The following THSD7A variants were observed in gnomAD, a reference collection of about 807,000 sequenced individuals.
THSD7A encodes the protein thrombospondin type-1 domain-containing protein 7A.
In THSD7A, 96 loss-of-function variants were observed where a neutral mutation model predicts 231.3. The ratio of observed to expected loss-of-function variants is 0.41; its 90% CI spans 0.35 to 0.49. The LOEUF (loss-of-function observed/expected upper bound fraction) is 0.49, where lower values mean the gene tolerates loss of function less well. Ranked by LOEUF, THSD7A falls within the 20% of genes least tolerant of loss-of-function variation. The pLI, the probability that THSD7A is intolerant of heterozygous loss-of-function variation, is 0.05. For synonymous variants in THSD7A, 940 were observed against 743.3 expected (o/e 1.26, Z -4.30); for missense variants, 2,290 against 2,070.2 (o/e 1.11, Z -2.06).
At chr7:11,810,767 G>T (rs759012917) in intron 1 of THSD7A, among the ~76,000 whole-genome samples, 1 of 152,140 alleles carries the variant, frequency 6.6e-6, no homozygotes, top group Non-Finnish European at 1.5e-5. Flanking sequence ...CAGCCCTAGG[G>T]TGGTTTAATT....
chr7:11,773,448 T>C (rs1193895161), intron 1 of THSD7A, among the ~76,000 whole-genome samples: 1 of 151,988 alleles, frequency 6.6e-6, no homozygotes, highest in African/African-American at 2.4e-5. Context: ...GAGAATTGCT[T>C]GAACCCGGGA....
chr7:11,636,873 A>G lies in THSD7A; in HGVS notation c.279T>C (p.Thr93=), dbSNP rs1781883277. ...CCTGCTTACAGTTAGTATGCAGTGT[A>G]GTCCATCCCTCCACATGAGCACACC... ...AVWCAHVEGW[T]TLHTNCKQAE... The change falls in exon 2 of 28, where the codon ACT becomes ACC. Residue 93 remains threonine (T), a synonymous_variant. Transcript: ENST00000423059. This position sits in a 1 kb window ranked among gnomAD's most constrained non-coding sequence, Gnocchi z 10.0. The G allele has an allele frequency of 1.2e-6, 2 of 1,613,960 alleles. No individual in the cohort carries two copies. Among genetic ancestry groups the G allele is most frequent in the Admixed American group, 3.3e-5 (2 of 60,012 alleles).
At chr7:11,412,048 C>T (rs190967240) in intron 18 of THSD7A, among the ~76,000 whole-genome samples, 1 of 152,200 alleles carries the variant, frequency 6.6e-6, no homozygotes, top group Admixed American at 6.5e-5. Context: ...AGTAAGCTTT[C>T]GTGTTGCCCC....
Position 11,777,414 on chromosome 7 carries a change from TACACACACACACACACACACACAC to T in THSD7A, c.190+54319_190+54342del, listed in dbSNP as rs66487858. ...AACTATGTTTCAGATGTAAATTAAG[TACACACACACACACACACACACAC>T]ACACACACACACACACACACACTCT... is the stretch of plus-strand genomic sequence containing the variant. On this transcript the variant is annotated intron_variant, in intron 1 of 27. Coordinates refer to ENST00000423059, the MANE Select transcript of THSD7A (RefSeq NM_015204.3). 4.1e-5 allele frequency among the ~76,000 whole-genome samples: 6 copies of T among 147,164 alleles called. No homozygotes were observed. In the South Asian group the frequency reaches 8.9e-4, roughly 22 times the overall value.
At chr7:11,828,346 T>C (rs1021075674) in intron 1 of THSD7A, among the ~76,000 whole-genome samples, 1 of 152,190 alleles carries the variant, frequency 6.6e-6, no homozygotes, top group African/African-American at 2.4e-5. Flanking sequence ...CTTTTATTTT[T>C]TTCCTTCTCT....
chr7:11,752,960 CAT>C, intron 1 of THSD7A, among the ~76,000 whole-genome samples: 1 of 136,686 alleles, frequency 7.3e-6, no homozygotes, highest in African/African-American at 2.7e-5. Flanking sequence ...ATCAATCAAT[CAT>C]TTCTAAAAAT....
intron 13 of THSD7A, among the ~76,000 whole-genome samples, chr7:11,432,879 G>A (rs987144314): frequency 6.6e-6 from 1 of 151,940 alleles, no homozygotes; most frequent in Non-Finnish European, 1.5e-5. Flanking sequence ...ATTATCCATT[G>A]TAAATGAAGT....
In THSD7A at chr7:11,449,969, G is replaced by A. The variant is rs552015219; in HGVS notation, c.2606-2545C>T. Among the ~76,000 whole-genome samples, 5 of 152,124 alleles carry A rather than the reference G, an allele frequency of 3.3e-5. No individual in the cohort carries two copies. The South Asian group carries it at 1.0e-3, about 32-fold the overall frequency. ...AGGGTTTCACTGTTTGTAACTAAAA[G>A]AAAATTAAAAATTACCAAACTAAAT... On this transcript the variant is annotated intron_variant, in intron 11 of 27. Coordinates refer to ENST00000423059, the MANE Select transcript of THSD7A (RefSeq NM_015204.3).
In THSD7A at chr7:11,636,719, C is replaced by G. The variant is rs1256632935; in HGVS notation, c.433G>C (p.Glu145Gln). ...VISKSLEKPL[E>Q]CIKGEEGIQV... ...ATACCTTCTTCCCCCTTAATGCACT[C>G]AAGAGGTTTCTCTAGGCTTTTTGAA... Residue 145 changes from glutamate to glutamine, a missense_variant, in exon 2 of 28, where the codon GAG becomes CAG. Coordinates refer to ENST00000423059, the MANE Select transcript of THSD7A (RefSeq NM_015204.3). The surrounding 1 kb of genome is among the most constrained non-coding windows in gnomAD (Gnocchi z 10.0). 1.1e-5 allele frequency: 18 copies of G among 1,613,898 alleles called. No homozygotes were observed. Among genetic ancestry groups the G allele is most frequent in the Admixed American group, 3.3e-5 (2 of 59,994 alleles).
intron 1 of THSD7A, among the ~76,000 whole-genome samples, chr7:11,700,362 G>T (rs1219732929): frequency 6.6e-6 from 1 of 151,140 alleles, no homozygotes; most frequent in Non-Finnish European, 1.5e-5. Flanking sequence ...TACTTGAAAG[G>T]TTATAACTTT....
At chr7:11,826,726 C>T (rs1003794766) in intron 1 of THSD7A, among the ~76,000 whole-genome samples, 6 of 150,066 alleles carry the variant, frequency 4.0e-5, no homozygotes, top group African/African-American at 1.5e-4. Flanking sequence ...GCAGGAGAAT[C>T]GCTTGAATCC....
chr7:11,678,508 AG>A (rs1783733900), intron 1 of THSD7A, among the ~76,000 whole-genome samples: 1 of 152,176 alleles, frequency 6.6e-6, no homozygotes, highest in African/African-American at 2.4e-5. Context: ...AAAATGATAA[AG>A]GGGATATCAC....
At chr7:11,674,281 G>C (rs1454677748) in intron 1 of THSD7A, among the ~76,000 whole-genome samples, 1 of 152,080 alleles carries the variant, frequency 6.6e-6, no homozygotes, top group South Asian at 2.1e-4. Flanking sequence ...CCAGTGCAAT[G>C]TCATGGTTAG....
intron 6 of THSD7A, among the ~76,000 whole-genome samples, chr7:11,485,283 G>A (rs1362974123): frequency 1.3e-5 from 2 of 152,006 alleles, no homozygotes; most frequent in Non-Finnish European, 2.9e-5. Context: ...ATTGTCTTCT[G>A]GTTTGATTAG....
rs537365407 is a variant in THSD7A at position 11,497,069 on chromosome 7, C to T, written c.1823-15087G>A. On this transcript the variant is annotated intron_variant, in intron 6 of 27. Transcript: ENST00000423059. ...TTACAGTTCAGAATGGCTGGGGAGGCCTAAGGAAACTTACAATCATGGTGG... is the reference window on the plus strand; with the variant it reads ...TTACAGTTCAGAATGGCTGGGGAGGTCTAAGGAAACTTACAATCATGGTGG... Among the ~76,000 whole-genome samples the T allele has an allele frequency of 3.9e-5, 6 of 152,156 alleles. No homozygotes were observed. The East Asian group carries it at 7.7e-4, about 20-fold the overall frequency.
intron 6 of THSD7A, among the ~76,000 whole-genome samples, chr7:11,495,332 G>T (rs1362724408): frequency 1.3e-5 from 2 of 151,932 alleles, no homozygotes; most frequent in Non-Finnish European, 2.9e-5. Flanking sequence ...AACTTTAGAA[G>T]ACCCTTGGCC....
In THSD7A at chr7:11,590,529, G is replaced by A; in HGVS notation, c.1384C>T (p.Arg462Ter). The part of the protein sequence containing the change: ...TALCGGGIQT[R>*]EVYCVQANEN... ...TTGGCCTGCACGCAGTACACCTCTC[G>A]GGTCTGGATGCCCCCTCCACAGAGG... The change falls in exon 4 of 28, where the codon CGA becomes TGA. Residue 462 changes from arginine (R) to a stop codon, truncating the protein, a stop_gained. Transcript: ENST00000423059. LOFTEE classifies it high-confidence loss of function. The surrounding 1 kb of genome is among the most constrained non-coding windows in gnomAD (Gnocchi z 4.4). The A allele has an allele frequency of 1.2e-6, 2 of 1,613,892 alleles. No homozygotes were observed. The highest frequency in any genetic ancestry group is 1.7e-6 in the Non-Finnish European group (2 of 1,179,856).
intron 17 of THSD7A, 86 bp downstream of exon 17, chr7:11,417,361 GTTA>G: frequency 1.6e-6 from 2 of 1,262,376 alleles, no homozygotes; most frequent in Non-Finnish European, 2.1e-6. Flanking sequence ...TTACATTGAA[GTTA>G]TTATATTCAA....
intron 1 of THSD7A, among the ~76,000 whole-genome samples, chr7:11,765,865 T>C (rs1234008592): frequency 6.6e-6 from 1 of 152,150 alleles, no homozygotes; most frequent in Non-Finnish European, 1.5e-5. Context: ...GGTCAGAACC[T>C]GAGCAACTTA....
Sources: allele counts gnomAD v4.1 joint callset (sites outside exome capture counted in the v4.1 genomes callset), GRCh38; gene constraint gnomAD v4.1.1; non-coding constraint Gnocchi (gnomAD v3.1); transcripts MANE v1.5; gene names NCBI Gene and HGNC (gene_info 2026-07-23, HGNC 2026-07-21).